UGT1A8: variants seen among roughly 807,000 people sequenced by gnomAD.
The protein encoded by UGT1A8 is UDP glucuronosyltransferase family 1 member A8, also known as UDP-glucuronosyltransferase 1A8.
In UGT1A8, 39 loss-of-function variants were observed where a neutral mutation model predicts 45.3. That is an observed-to-expected ratio of 0.86 (90% CI 0.67 to 1.12). The LOEUF is 1.12. UGT1A8 is among the 50% of genes most tolerant of loss of function. UGT1A8 has a pLI of 0.00. For missense variants in UGT1A8, 719 were observed against 664.9 expected (o/e 1.08, Z -0.90); for synonymous variants, 275 against 249.2 (o/e 1.10, Z -0.97).
chr2:233,683,083 C>CT (rs1255524553), intron 1 of UGT1A8, among the ~76,000 whole-genome samples: 1 of 151,994 alleles, frequency 6.6e-6, no homozygotes, highest in African/African-American at 2.4e-5. Flanking sequence ...TGAAACTTCC[C>CT]TTTTTTTGCT....
rs1020382421 is a variant in UGT1A8, at chr2:233,624,940, C to T, written c.855+6378C>T. On this transcript the variant is annotated intron_variant, in intron 1 of 4. Coordinates refer to ENST00000373450, the MANE Select transcript of UGT1A8 (RefSeq NM_019076.5). ...TATTCCAATTTTTAATTGTTCATTG[C>T]TAGTATAGTTGACCCCTGAACAATG... Among the ~76,000 whole-genome samples, 6 of 151,910 alleles carry T rather than the reference C, an allele frequency of 3.9e-5. No homozygotes were observed. In the East Asian group the frequency reaches 9.6e-4, roughly 24 times the overall value.
chr2:233,668,508 A>G lies in UGT1A8; in HGVS notation c.855+49946A>G, dbSNP rs147791366. On this transcript the variant is annotated intron_variant, in intron 1 of 4. Coordinates refer to ENST00000373450, the MANE Select transcript of UGT1A8 (RefSeq NM_019076.5). ...CTTTGCTTTTGTGAATAGTGCCCCA[A>G]TAAACATACGTGTGCATGTGTCTTT... Among the ~76,000 whole-genome samples, 10 of 152,352 alleles carry G rather than the reference A, an allele frequency of 6.6e-5. No homozygotes were observed. In the East Asian group the frequency reaches 1.5e-3, roughly 23 times the overall value.
At chr2:233,724,729 A>G (rs1205720342) in intron 1 of UGT1A8, among the ~76,000 whole-genome samples, 1 of 143,524 alleles carries the variant, frequency 7.0e-6, no homozygotes, top group Non-Finnish European at 1.5e-5. Flanking sequence ...GCAGCCAGGC[A>G]GAGGGGCTCC....
chr2:233,648,564 C>T, intron 1 of UGT1A8: 1 of 192,194 alleles, frequency 5.2e-6, no homozygotes, highest in South Asian at 1.1e-4. Flanking sequence ...GGGTTCACGC[C>T]ATTCCTCTGC....
At chr2:233,675,353 T>A (rs1030816419) in intron 1 of UGT1A8, among the ~76,000 whole-genome samples, 1 of 152,190 alleles carries the variant, frequency 6.6e-6, no homozygotes, top group Non-Finnish European at 1.5e-5. Context: ...AACATTGAAA[T>A]AGTTTTAATG....
At chr2:233,731,532 G>A (rs1386251909) in intron 1 of UGT1A8, among the ~76,000 whole-genome samples, 1 of 152,172 alleles carries the variant, frequency 6.6e-6, no homozygotes, top group Non-Finnish European at 1.5e-5. Context: ...AGAACATGCG[G>A]TGTTTGGTTT....
intron 1 of UGT1A8, among the ~76,000 whole-genome samples, chr2:233,765,804 G>T (rs1575814743): frequency 6.6e-6 from 1 of 152,060 alleles, no homozygotes. Flanking sequence ...AGTGAGAAAA[G>T]AATTGCCATG....
At chr2:233,732,356 G>A (rs946467388) in intron 1 of UGT1A8, among the ~76,000 whole-genome samples, 35 of 152,232 alleles carry the variant, frequency 2.3e-4, no homozygotes, top group Non-Finnish European at 4.6e-4. Context: ...TAGTCATGAA[G>A]TCCTGGCCCA....
rs2074489627 is a variant in UGT1A8, at chr2:233,680,539, C to T, written c.855+61977C>T. On this transcript the variant is annotated intron_variant, in intron 1 of 4. Transcript: ENST00000373450. ...TGCCCTGAGGTTGGCTGTTGAATCC[C>T]TCACGAAATGCTCCTCAGTGTGTTG... is the stretch of plus-strand genomic sequence containing the variant. Among the ~76,000 whole-genome samples the T allele has an allele frequency of 2.0e-5, 3 of 152,162 alleles. No individual in the cohort carries two copies. In the South Asian group the frequency reaches 6.2e-4, roughly 32 times the overall value.
At chr2:233,708,553 AC>A (rs1349773245) in intron 1 of UGT1A8, 9 of 152,176 alleles carry the variant, frequency 5.9e-5, no homozygotes. Flanking sequence ...GGAGTTTGAG[AC>A]CAGCCTAGGC....
chr2:233,730,126 G>A, intron 1 of UGT1A8: 1 of 1,542,516 alleles, frequency 6.5e-7, no homozygotes, highest in Non-Finnish European at 8.7e-7. Flanking sequence ...TGTCATAATA[G>A]CCTTCAGTGA....
intron 1 of UGT1A8, among the ~76,000 whole-genome samples, chr2:233,704,599 G>A (rs557882301): frequency 2.0e-5 from 3 of 152,196 alleles, no homozygotes; most frequent in African/African-American, 7.2e-5. Flanking sequence ...AGAAAGAAGA[G>A]CAAGTATGTA....
At chr2:233,737,391 C>A (rs1208787903) in intron 1 of UGT1A8, among the ~76,000 whole-genome samples, 1 of 152,188 alleles carries the variant, frequency 6.6e-6, no homozygotes, top group Non-Finnish European at 1.5e-5. Context: ...TCCTTGTCTG[C>A]CAGTTTATAA....
intron 1 of UGT1A8, chr2:233,719,161 T>A (rs2076731921): frequency 6.2e-7 from 1 of 1,614,132 alleles, no homozygotes; most frequent in Non-Finnish European, 8.5e-7. Context: ...TCTAGAAGTA[T>A]GGCAATTATG....
intron 1 of UGT1A8, among the ~76,000 whole-genome samples, chr2:233,684,787 A>G (rs558954274): frequency 8.5e-5 from 13 of 152,314 alleles, no homozygotes; most frequent in Non-Finnish European, 8.8e-5. Context: ...TTTGGCAAAG[A>G]GCCCTGGATA....
At chr2:233,681,932 T>C in intron 1 of UGT1A8, 1 of 1,611,200 alleles carries the variant, frequency 6.2e-7, no homozygotes, top group Non-Finnish European at 8.5e-7. Context: ...GGGCTGAAGT[T>C]CTCTGATGGC....
intron 1 of UGT1A8, among the ~76,000 whole-genome samples, chr2:233,712,498 ATGT>A (rs1196672713): frequency 6.6e-6 from 1 of 152,200 alleles, no homozygotes; most frequent in Non-Finnish European, 1.5e-5. Context: ...TGGCTTAGCA[ATGT>A]TGTCTGCATT....
intron 1 of UGT1A8, chr2:233,682,009 G>T: frequency 6.2e-7 from 1 of 1,614,122 alleles, no homozygotes; most frequent in Admixed American, 1.7e-5. Context: ...GCTTTGCCAA[G>T]GCAGGGAAGC....
intron 1 of UGT1A8, among the ~76,000 whole-genome samples, chr2:233,619,115 A>G (rs1380167619): frequency 2.3e-4 from 35 of 152,160 alleles, no homozygotes; most frequent in Admixed American, 2.3e-3. Flanking sequence ...CAGTATAAAA[A>G]AAGTTTCATT....
Sources: gnomAD v4.1 joint callset for allele counts (sites outside exome capture counted in the v4.1 genomes callset) on GRCh38, gnomAD v4.1.1 for gene constraint, MANE v1.5 for transcripts, NCBI Gene and HGNC (gene_info 2026-07-23, HGNC 2026-07-21) for gene names.